Variants in PAPOLA observed in about 807,000 individuals in gnomAD.
PAPOLA encodes the protein poly(A) polymerase alpha.
PAPOLA carries 15 observed loss-of-function variants against 100.6 expected under a neutral mutation model. That is an observed-to-expected ratio of 0.15 (90% CI 0.10 to 0.23). The LOEUF (loss-of-function observed/expected upper bound fraction) is 0.23, where lower values mean the gene tolerates loss of function less well. Among genes scored for constraint, PAPOLA ranks in the 10% least tolerant of loss-of-function variants. The pLI is 1.00. For synonymous variants in PAPOLA, 293 were observed against 300.0 expected (o/e 0.98, Z 0.24); for missense variants, 533 against 884.2 (o/e 0.60, Z 5.04).
intron 15 of PAPOLA, among the ~76,000 whole-genome samples, chr14:96,544,471 T>C (rs534234600): frequency 8.7e-4 from 133 of 152,042 alleles, no homozygotes; most frequent in Non-Finnish European, 1.6e-3. Flanking sequence ...TTTTCAGATT[T>C]TGGAATATTT....
Position 96,566,992 on chromosome 14 carries a change from C to T in PAPOLA, c.*1942C>T, listed in dbSNP as rs1037646204. 2 of 152,508 alleles carry T rather than the reference C, an allele frequency of 1.3e-5. No homozygotes were observed. The highest frequency in any genetic ancestry group is 1.3e-4 in the Admixed American group (2 of 15,248). 9.4% of individuals were successfully genotyped at this position (152,508 alleles called of 1,614,324 possible). ...TGCTTTCGCATGATGTATGTAGTGTCTCATGACTGGAGTTTGCTTTGTTTT... is the reference window on the plus strand; with the variant it reads ...TGCTTTCGCATGATGTATGTAGTGTTTCATGACTGGAGTTTGCTTTGTTTT... On this transcript the variant is annotated 3_prime_UTR_variant, in exon 22 of 22. Coordinates refer to ENST00000216277, the MANE Select transcript of PAPOLA (RefSeq NM_032632.5).
At position 96,507,280 on chromosome 14, in the gene PAPOLA, G is replaced by GTTTTTTGT. The variant is rs1413020909; in HGVS notation, c.8+4686_8+4687insGTTTTTTT. Reference sequence around the variant, plus strand: ...ACTAAATTTTTTGTTTTGGAAAATAGTTTTTTTTTTTTTTTTTTTTTTTTT... The same window carrying GTTTTTTGT: ...ACTAAATTTTTTGTTTTGGAAAATAGTTTTTTGTTTTTTTTTTTTTTTTTTTTTTTTTT... On this transcript the variant is annotated intron_variant, in intron 1 of 21. Transcript: ENST00000216277. 3.0e-4 allele frequency among the ~76,000 whole-genome samples: 24 copies of GTTTTTTGT among 80,712 alleles called. 1 individual carries two copies. Among genetic ancestry groups the GTTTTTTGT allele is most frequent in the African/African-American group, 1.3e-3 (23 of 17,614 alleles). The allele number at this position is 80,712 out of a possible 152,430, so 53.0% of individuals were successfully genotyped here. A position where few individuals can be genotyped will look rare whatever the true frequency, so the allele number is the denominator to read the frequency against.
intron 16 of PAPOLA, among the ~76,000 whole-genome samples, chr14:96,549,549 A>G (rs1344449629): frequency 1.3e-5 from 2 of 152,140 alleles, no homozygotes; most frequent in African/African-American, 2.4e-5. Flanking sequence ...CACCTGGCCA[A>G]AAATTTTCTT....
intron 1 of PAPOLA, among the ~76,000 whole-genome samples, chr14:96,515,291 T>A: frequency 6.6e-6 from 1 of 152,188 alleles, no homozygotes; most frequent in East Asian, 1.9e-4. Flanking sequence ...ACCTTGAACC[T>A]GTAAGAAAAG....
At chr14:96,550,237 T>C (rs1199914738) in intron 16 of PAPOLA, among the ~76,000 whole-genome samples, 1 of 152,222 alleles carries the variant, frequency 6.6e-6, no homozygotes, top group Non-Finnish European at 1.5e-5. Context: ...AACTTGGCTA[T>C]TTCTTATGAA....
intron 15 of PAPOLA, among the ~76,000 whole-genome samples, chr14:96,545,556 G>GT (rs1404242579): frequency 2.6e-5 from 4 of 151,942 alleles, no homozygotes; most frequent in East Asian, 1.9e-4. Flanking sequence ...TTTTTTGTTT[G>GT]TTTTTTCTCG....
chr14:96,548,698 A>C (rs1404345121), intron 16 of PAPOLA, among the ~76,000 whole-genome samples: 1 of 152,214 alleles, frequency 6.6e-6, no homozygotes, highest in East Asian at 1.9e-4. Flanking sequence ...TACAAGTTTA[A>C]AAACCTAAAA....
chr14:96,526,666 C>T (rs1478300615), intron 4 of PAPOLA: 2 of 152,538 alleles, frequency 1.3e-5, no homozygotes, highest in Non-Finnish European at 2.9e-5. Flanking sequence ...TGAACTGTAT[C>T]TGCCGAGATA....
intron 19 of PAPOLA, among the ~76,000 whole-genome samples, chr14:96,559,596 T>TACAC (rs1220536430): frequency 6.9e-6 from 1 of 145,536 alleles, no homozygotes; most frequent in African/African-American, 2.5e-5. Flanking sequence ...TATATATATA[T>TACAC]ACACACACAC....
chr14:96,549,241 T>A (rs901610211), intron 16 of PAPOLA, among the ~76,000 whole-genome samples: 4 of 151,920 alleles, frequency 2.6e-5, no homozygotes, highest in Admixed American at 1.3e-4. Flanking sequence ...AAACATGATG[T>A]TATTCTAATT....
At chr14:96,535,437 A>G (rs1451740179) in intron 10 of PAPOLA, 1 of 984,424 alleles carries the variant, frequency 1.0e-6, no homozygotes, top group Non-Finnish European at 1.2e-6. Context: ...ACCGCGTGTT[A>G]ATAAGCTTGA....
intron 3 of PAPOLA, 101 bp from the exon 4 acceptor site, chr14:96,525,209 C>T (rs939064814): frequency 7.6e-6 from 5 of 657,768 alleles, no homozygotes; most frequent in South Asian, 3.8e-5. Flanking sequence ...TAAATTTACA[C>T]TGTAATCTTT....
chr14:96,526,457 T>TGA (rs1898489339), intron 4 of PAPOLA: 1 of 152,282 alleles, frequency 6.6e-6, no homozygotes, highest in Admixed American at 6.6e-5. Context: ...CTCAGCCACC[T>TGA]GAGTAGCTGG....
At chr14:96,561,735 C>T (rs1342556787) in intron 20 of PAPOLA, among the ~76,000 whole-genome samples, 2 of 151,908 alleles carry the variant, frequency 1.3e-5, no homozygotes, top group African/African-American at 2.4e-5. Context: ...GTATACATCA[C>T]CAAGTTGTCC....
At chr14:96,528,250 A>G (rs1307262524) in intron 6 of PAPOLA, among the ~76,000 whole-genome samples, 3 of 152,224 alleles carry the variant, frequency 2.0e-5, no homozygotes, top group African/African-American at 7.2e-5. Context: ...TTGAAATGCT[A>G]TTACAAAAAA....
intron 10 of PAPOLA, chr14:96,535,109 A>G (rs1428631779): frequency 3.1e-6 from 3 of 980,130 alleles, no homozygotes; most frequent in African/African-American, 1.8e-5. Context: ...AAGTTACAAC[A>G]TTTACCGCTT....
rs751463372 is a variant in PAPOLA, at chr14:96,534,350, G to T, written c.837-141G>T. ...AAAAGATTTTGAGTAGTCTAATGTC[G>T]TCAGAAAGGATTAAAACGTTGTATG... On this transcript the variant is annotated intron_variant, in intron 9 of 21. Transcript: ENST00000216277. The T allele has an allele frequency of 2.5e-4, 355 of 1,444,658 alleles. No homozygotes were observed. The highest frequency in any genetic ancestry group is 3.1e-4 in the Non-Finnish European group (339 of 1,103,020). 89.5% of individuals were successfully genotyped at this position (1,444,658 alleles called of 1,614,324 possible).
intron 15 of PAPOLA, among the ~76,000 whole-genome samples, chr14:96,547,476 A>G (rs1423905462): frequency 2.0e-5 from 3 of 152,158 alleles, no homozygotes; most frequent in Non-Finnish European, 2.9e-5. Flanking sequence ...ATAAAAGGGT[A>G]TGGGTGTAAG....
chr14:96,537,777 T>C (rs1275190123), intron 12 of PAPOLA: 1 of 151,960 alleles, frequency 6.6e-6, no homozygotes, highest in Non-Finnish European at 1.5e-5. Flanking sequence ...AAGTCCCACT[T>C]AAAATTTTTT....
Sources: gnomAD v4.1 joint callset for allele counts (sites outside exome capture counted in the v4.1 genomes callset) on GRCh38, gnomAD v4.1.1 for gene constraint, MANE v1.5 for transcripts, NCBI Gene and HGNC (gene_info 2026-07-23, HGNC 2026-07-21) for gene names.